The following TSGA10 variants were observed in gnomAD, a reference collection of about 807,000 sequenced individuals.
TSGA10 encodes the protein testis specific 10.
A neutral mutation model predicts 96.6 loss-of-function variants in TSGA10; 43 were observed. The ratio of observed to expected loss-of-function variants is 0.44; its 90% CI spans 0.35 to 0.57. The LOEUF is 0.57. Among genes scored for constraint, TSGA10 ranks in the 20% least tolerant of loss-of-function variants. The pLI, the probability that TSGA10 is intolerant of heterozygous loss-of-function variation, is 0.01. For synonymous variants in TSGA10, 229 were observed against 269.9 expected (o/e 0.85, Z 1.48); for missense variants, 703 against 834.4 (o/e 0.84, Z 1.94).
intron 4 of TSGA10, among the ~76,000 whole-genome samples, chr2:99,114,048 T>G (rs1420253100): frequency 6.6e-6 from 1 of 152,220 alleles, no homozygotes; most frequent in East Asian, 1.9e-4. Flanking sequence ...AAGTTACTGT[T>G]GACCTTTAAA....
rs181677066 is a variant in TSGA10 at position 99,132,592 on chromosome 2, C to T, written c.-620-5416G>A. ...TTCATTGATTTTTTGAAGGGCTTTT[C>T]GTGTCTCTATCTCCTTCAGTTCTGC... is the stretch of plus-strand genomic sequence containing the variant. On this transcript the variant is annotated intron_variant, in intron 1 of 20. Transcript: ENST00000393483. Among the ~76,000 whole-genome samples, 23 of 152,126 alleles carry T rather than the reference C, an allele frequency of 1.5e-4. 1 individual carries two copies. The highest frequency in any genetic ancestry group is 4.1e-4 in the African/African-American group (17 of 41,530).
intron 17 of TSGA10, among the ~76,000 whole-genome samples, chr2:99,034,040 AG>A (rs2081376583): frequency 6.6e-6 from 1 of 152,174 alleles, no homozygotes; most frequent in Non-Finnish European, 1.5e-5. Context: ...TGAACTTGGA[AG>A]GAATGGATCT....
chr2:99,025,419 T>C (rs1383865236), intron 17 of TSGA10, among the ~76,000 whole-genome samples: 1 of 152,218 alleles, frequency 6.6e-6, no homozygotes, highest in Non-Finnish European at 1.5e-5. Context: ...ATTCAGTTGT[T>C]CATGATATTC....
In TSGA10 at chr2:99,147,852, C is replaced by G. The variant is rs1375272413; in HGVS notation, c.-621+6841G>C. 2.6e-5 allele frequency among the ~76,000 whole-genome samples: 4 copies of G among 152,180 alleles called. No individual in the cohort carries two copies. In the East Asian group the frequency reaches 5.8e-4, roughly 22 times the overall value. ...AGGGCAAGTTGCAGATACAATTCTTCACCCCTAACTATTTCAGTATGTATT... is the reference window on the plus strand; with the variant it reads ...AGGGCAAGTTGCAGATACAATTCTTGACCCCTAACTATTTCAGTATGTATT... On this transcript the variant is annotated intron_variant, in intron 1 of 20. Coordinates refer to ENST00000393483, the MANE Select transcript of TSGA10 (RefSeq NM_025244.4).
intron 1 of TSGA10, among the ~76,000 whole-genome samples, chr2:99,138,989 A>G (rs2093426885): frequency 6.6e-6 from 1 of 152,224 alleles, no homozygotes; most frequent in Admixed American, 6.5e-5. Context: ...AGATTTAGAC[A>G]CTTGTAATCC....
intron 20 of TSGA10, among the ~76,000 whole-genome samples, chr2:99,007,639 A>T (rs2078620796): frequency 6.6e-6 from 1 of 152,248 alleles, no homozygotes. Flanking sequence ...AAAAGCAATT[A>T]AAACATACTA....
intron 1 of TSGA10, among the ~76,000 whole-genome samples, chr2:99,131,197 C>T (rs1351577094): frequency 3.3e-5 from 5 of 152,032 alleles, no homozygotes; most frequent in African/African-American, 1.2e-4. Context: ...AGCATTGAAT[C>T]TATAAAATAC....
At chr2:99,062,857 A>C (rs1030308405) in intron 16 of TSGA10, among the ~76,000 whole-genome samples, 24 of 152,342 alleles carry the variant, frequency 1.6e-4, no homozygotes, top group Middle Eastern at 3.4e-3. Flanking sequence ...GGCTGCACCC[A>C]AAAAAATAGA....
At chr2:99,084,742 T>C (rs1189788293) in intron 10 of TSGA10, among the ~76,000 whole-genome samples, 1 of 151,936 alleles carries the variant, frequency 6.6e-6, no homozygotes, top group Non-Finnish European at 1.5e-5. Context: ...GATAGTGGTT[T>C]TATGGCATCA....
At chr2:99,124,753 T>G (rs546802236) in intron 2 of TSGA10, 3 of 151,978 alleles carry the variant, frequency 2.0e-5, no homozygotes, top group African/African-American at 4.8e-5. Context: ...CCCGGCTAAT[T>G]TTTTTCTATT....
At chr2:99,143,852 T>C (rs550232048) in intron 1 of TSGA10, among the ~76,000 whole-genome samples, 1 of 152,260 alleles carries the variant, frequency 6.6e-6, no homozygotes, top group Admixed American at 6.5e-5. Flanking sequence ...AGTCCCTTAA[T>C]TTTTCCATCA....
chr2:99,041,823 C>T (rs189246295), intron 16 of TSGA10, among the ~76,000 whole-genome samples: 24 of 152,064 alleles, frequency 1.6e-4, no homozygotes, highest in East Asian at 1.4e-3. Context: ...TAAATAGATG[C>T]GACTTAATTA....
At chr2:99,075,816 C>A (rs531489489) in intron 12 of TSGA10, among the ~76,000 whole-genome samples, 29 of 152,006 alleles carry the variant, frequency 1.9e-4, no homozygotes, top group Non-Finnish European at 3.2e-4. Flanking sequence ...AGATATAGCA[C>A]AAGAAAATGA....
intron 14 of TSGA10, among the ~76,000 whole-genome samples, chr2:99,071,383 T>TTA (rs533150692): frequency 3.6e-4 from 54 of 150,184 alleles, no homozygotes; most frequent in African/African-American, 1.2e-3. Context: ...TCCATTTTTT[T>TTA]AAAAAAAAAA....
intron 20 of TSGA10, among the ~76,000 whole-genome samples, chr2:99,010,365 A>C (rs1444121488): frequency 6.6e-6 from 1 of 152,230 alleles, no homozygotes; most frequent in African/African-American, 2.4e-5. Context: ...ATCCTTCGAA[A>C]GAAGTGGCAT....
rs150517222 is a variant in TSGA10, at chr2:99,128,154, A to C, written c.-620-978T>G. ...CAAAATCCTACCTAGGGAATTACAG[A>C]ATCAGGATCTCCCCAGTCACTGACC... On this transcript the variant is annotated intron_variant, in intron 1 of 20. Transcript: ENST00000393483. Among the ~76,000 whole-genome samples the C allele has an allele frequency of 5.8e-3, 884 of 152,322 alleles. 10 individuals carry two copies. Among genetic ancestry groups the C allele is most frequent in the African/African-American group, 0.02 (848 of 41,562 alleles).
At position 99,043,116 on chromosome 2, in the gene TSGA10, T is replaced by C. The variant is rs185872994; in HGVS notation, c.1405-7677A>G. Among the ~76,000 whole-genome samples the C allele has an allele frequency of 5.3e-4, 80 of 152,206 alleles. 1 individual carries two copies. The highest frequency in any genetic ancestry group is 5.2e-3 in the Admixed American group (79 of 15,288). ...ATATGTTCAAGGACCTAATGATGCA[T>C]GGTTAATGAAGTAAAGGAAGATATG... On this transcript the variant is annotated intron_variant, in intron 16 of 20. Coordinates refer to ENST00000393483, the MANE Select transcript of TSGA10 (RefSeq NM_025244.4).
intron 15 of TSGA10, 40 bp from the exon 16 acceptor site, chr2:99,065,164 C>T (rs1203074318): frequency 6.3e-7 from 1 of 1,581,674 alleles, no homozygotes; most frequent in Admixed American, 1.9e-5. Flanking sequence ...AAATGCTGAA[C>T]ATATGATAAA....
intron 1 of TSGA10, among the ~76,000 whole-genome samples, chr2:99,140,227 A>G (rs181167137): frequency 2.2e-4 from 34 of 152,358 alleles, no homozygotes; most frequent in African/African-American, 7.9e-4. Context: ...CAATTAAAAT[A>G]CAAACAAGAA....
Sources: allele counts gnomAD v4.1 joint callset (sites outside exome capture counted in the v4.1 genomes callset), GRCh38; gene constraint gnomAD v4.1.1; transcripts MANE v1.5; gene names NCBI Gene and HGNC (gene_info 2026-07-23, HGNC 2026-07-21).